Variants in SPIDR observed in about 807,000 individuals in gnomAD.
The protein encoded by SPIDR is DNA repair-scaffolding protein.
Under a neutral mutation model 104.6 loss-of-function variants are expected in SPIDR, and 93 were observed. The ratio of observed to expected loss-of-function variants is 0.89; its 90% CI spans 0.75 to 1.06. SPIDR has a LOEUF of 1.06. Among genes scored for constraint, SPIDR ranks in the 50% least tolerant of loss-of-function variants. The probability of loss-of-function intolerance (pLI) is 0.00; values close to 1 mark genes in which losing one functional copy is unlikely to be tolerated. For missense variants in SPIDR, 1,154 were observed against 1,111.2 expected, an observed-to-expected ratio of 1.04 and a Z score of -0.55; for synonymous variants, 431 against 416.9, an observed-to-expected ratio of 1.03 and a Z score of -0.41.
At chr8:47,635,520 A>T (rs1194499902) in intron 10 of SPIDR, among the ~76,000 whole-genome samples, 2 of 152,182 alleles carry the variant, frequency 1.3e-5, no homozygotes, top group African/African-American at 2.4e-5. Flanking sequence ...AAATTTAAAA[A>T]AAATAAATAA....
chr8:47,353,338 C>T (rs1444358636), intron 5 of SPIDR, among the ~76,000 whole-genome samples: 1 of 152,186 alleles, frequency 6.6e-6, no homozygotes, highest in Admixed American at 6.5e-5. Context: ...CTCTTACCTG[C>T]TCCAGCTGCA....
intron 5 of SPIDR, among the ~76,000 whole-genome samples, chr8:47,337,562 C>A (rs2154271642): frequency 6.6e-6 from 1 of 150,806 alleles, no homozygotes; most frequent in East Asian, 1.9e-4. Flanking sequence ...CTCCTTAATA[C>A]CATCTTTTTT....
intron 8 of SPIDR, among the ~76,000 whole-genome samples, chr8:47,583,091 A>G (rs2059896142): frequency 6.6e-6 from 1 of 151,712 alleles, no homozygotes; most frequent in Admixed American, 6.6e-5. Context: ...AAGTAAATGC[A>G]TATCCTCAAA....
intron 8 of SPIDR, among the ~76,000 whole-genome samples, chr8:47,542,174 T>TC (rs1205928000): frequency 6.6e-6 from 1 of 151,892 alleles, no homozygotes; most frequent in African/African-American, 2.4e-5. Flanking sequence ...CATTTTCTTT[T>TC]TTTTTTTTTT....
chr8:47,498,585 A>G (rs75457960), intron 8 of SPIDR, among the ~76,000 whole-genome samples: 1,628 of 152,228 alleles, frequency 0.011, 17 homozygotes, highest in Middle Eastern at 0.02. Flanking sequence ...TAGGACCAGG[A>G]TGAAGTTTTT....
At chr8:47,384,987 TG>T (rs1360432701) in intron 5 of SPIDR, among the ~76,000 whole-genome samples, 1 of 152,188 alleles carries the variant, frequency 6.6e-6, no homozygotes, top group African/African-American at 2.4e-5. Flanking sequence ...CATTTTGTTT[TG>T]TTTTGTTTCC....
At chr8:47,454,394 G>A (rs1260569548) in intron 8 of SPIDR, among the ~76,000 whole-genome samples, 9 of 151,828 alleles carry the variant, frequency 5.9e-5, no homozygotes, top group Non-Finnish European at 1.2e-4. Context: ...ACCAAACACC[G>A]CATGTTCTCA....
intron 8 of SPIDR, among the ~76,000 whole-genome samples, chr8:47,521,063 G>C (rs1251384573): frequency 6.6e-6 from 1 of 152,202 alleles, no homozygotes; most frequent in Non-Finnish European, 1.5e-5. Context: ...TTTTGAGAAT[G>C]AATGTTGGAT....
At chr8:47,619,286 G>A (rs952681096) in intron 10 of SPIDR, among the ~76,000 whole-genome samples, 1 of 152,144 alleles carries the variant, frequency 6.6e-6, no homozygotes, top group African/African-American at 2.4e-5. Flanking sequence ...TAGATGTTTG[G>A]GGTCTTGGTT....
chr8:47,402,758 G>A (rs1265209710), intron 6 of SPIDR, among the ~76,000 whole-genome samples: 8 of 152,048 alleles, frequency 5.3e-5, no homozygotes, highest in African/African-American at 1.2e-4. Flanking sequence ...ATTCACAGCC[G>A]AATTCTACCA....
intron 10 of SPIDR, among the ~76,000 whole-genome samples, chr8:47,666,578 T>C (rs1394331942): frequency 6.6e-6 from 1 of 152,226 alleles, no homozygotes; most frequent in African/African-American, 2.4e-5. Context: ...CTTTCTGATC[T>C]ACAGTCTTCT....
rs141946418 is a variant in SPIDR, at chr8:47,390,993, A to C, written c.526-5383A>C. On this transcript the variant is annotated intron_variant, in intron 5 of 19. Coordinates refer to ENST00000297423, the MANE Select transcript of SPIDR (RefSeq NM_001080394.4). ...CTCTCTTCCACCCTCTCTGGCACACACTTGTCTGTGCACACATGCACACCT... is the reference window on the plus strand; with the variant it reads ...CTCTCTTCCACCCTCTCTGGCACACCCTTGTCTGTGCACACATGCACACCT... Among the ~76,000 whole-genome samples the C allele has an allele frequency of 1.2e-3, 179 of 152,134 alleles. 1 individual carries two copies. Among genetic ancestry groups the C allele is most frequent in the African/African-American group, 4.1e-3 (172 of 41,466 alleles).
chr8:47,734,427 G>A (rs1366918178), intron 19 of SPIDR, among the ~76,000 whole-genome samples: 1 of 152,146 alleles, frequency 6.6e-6, no homozygotes, highest in Non-Finnish European at 1.5e-5. Flanking sequence ...TGGCCACGTT[G>A]TCTGGCTTCT....
chr8:47,530,960 G>A (rs2085887475), intron 8 of SPIDR, among the ~76,000 whole-genome samples: 1 of 151,472 alleles, frequency 6.6e-6, no homozygotes, highest in African/African-American at 2.4e-5. Context: ...CCCCAGACTG[G>A]AGTGCAGTGG....
chr8:47,403,337 G>C (rs1350280210), intron 6 of SPIDR, among the ~76,000 whole-genome samples: 1 of 152,180 alleles, frequency 6.6e-6, no homozygotes, highest in African/African-American at 2.4e-5. Context: ...TCAACATAGC[G>C]TTGGAAGTTC....
chr8:47,286,970 G>A (rs886208138), intron 3 of SPIDR, among the ~76,000 whole-genome samples: 1 of 152,040 alleles, frequency 6.6e-6, no homozygotes, highest in Non-Finnish European at 1.5e-5. Flanking sequence ...ATATTTCAAC[G>A]TAGGTTCTTT....
chr8:47,375,759 T>G (rs2058601017), intron 5 of SPIDR, among the ~76,000 whole-genome samples: 1 of 152,180 alleles, frequency 6.6e-6, no homozygotes, highest in Non-Finnish European at 1.5e-5. Context: ...AGAAATGTCT[T>G]GTTTTGTTCA....
At chr8:47,582,868 ACAT>A (rs1554815647) in intron 8 of SPIDR, among the ~76,000 whole-genome samples, 1 of 131,628 alleles carries the variant, frequency 7.6e-6, no homozygotes, top group South Asian at 2.3e-4. Flanking sequence ...ACACACACAC[ACAT>A]ATTTTTAAAA....
At chr8:47,634,014 G>C (rs2067482231) in intron 10 of SPIDR, among the ~76,000 whole-genome samples, 1 of 151,620 alleles carries the variant, frequency 6.6e-6, no homozygotes, top group Admixed American at 6.6e-5. Flanking sequence ...TGGATGGATT[G>C]AGCCTAGGAG....
Sources: allele counts gnomAD v4.1 joint callset (sites outside exome capture counted in the v4.1 genomes callset), GRCh38; gene constraint gnomAD v4.1.1; transcripts MANE v1.5; gene names NCBI Gene and HGNC (gene_info 2026-07-23, HGNC 2026-07-21).